KLHL29: variants seen among roughly 807,000 people sequenced by gnomAD.
KLHL29 encodes the protein kelch like family member 29.
In KLHL29, 21 loss-of-function variants were observed where a neutral mutation model predicts 80.4. That is an observed-to-expected ratio of 0.26 (90% CI 0.19 to 0.38). KLHL29 has a LOEUF of 0.38. Ranked by LOEUF, KLHL29 falls within the 10% of genes least tolerant of loss-of-function variation. The pLI is 1.00. For synonymous variants in KLHL29, 511 were observed against 526.8 expected (o/e 0.97, Z 0.41); for missense variants, 867 against 1,223.9 (o/e 0.71, Z 4.35).
chr2:23,423,035 C>T (rs554924328), intron 1 of KLHL29, among the ~76,000 whole-genome samples: 7 of 152,348 alleles, frequency 4.6e-5, no homozygotes, highest in African/African-American at 1.2e-4. Flanking sequence ...TGGGTCTTGC[C>T]GACTGGCCCT....
At chr2:23,579,192 A>G (rs1357486705) in intron 3 of KLHL29, among the ~76,000 whole-genome samples, 1 of 152,240 alleles carries the variant, frequency 6.6e-6, no homozygotes, top group Non-Finnish European at 1.5e-5. Flanking sequence ...CCATGTGGTA[A>G]GTCTACAGTT....
At chr2:23,471,465 T>C (rs1276098606) in intron 1 of KLHL29, among the ~76,000 whole-genome samples, 1 of 152,222 alleles carries the variant, frequency 6.6e-6, no homozygotes, top group African/African-American at 2.4e-5. Context: ...CTAGTTTCAT[T>C]TTGAAGCTCT....
chr2:23,679,539 C>G (rs771963815), intron 5 of KLHL29, among the ~76,000 whole-genome samples: 15 of 152,052 alleles, frequency 9.9e-5, no homozygotes, highest in Non-Finnish European at 1.8e-4. Flanking sequence ...AGCCAAGATT[C>G]AAAGGGTAGG....
At chr2:23,670,874 CAG>C (rs1197873319) in intron 5 of KLHL29, among the ~76,000 whole-genome samples, 1 of 138,276 alleles carries the variant, frequency 7.2e-6, no homozygotes, top group Non-Finnish European at 1.5e-5. Context: ...ATGAAGGGCA[CAG>C]AGTGGGCAGA....
At chr2:23,441,231 A>G (rs1364173372) in intron 1 of KLHL29, among the ~76,000 whole-genome samples, 1 of 151,540 alleles carries the variant, frequency 6.6e-6, no homozygotes, top group African/African-American at 2.4e-5. Flanking sequence ...TCACAAAGTC[A>G]AAAAACCAAA....
Position 23,561,920 on chromosome 2 carries a change from G to A in KLHL29, c.-45-232G>A, listed in dbSNP as rs2103496702. On this transcript the variant is annotated intron_variant, in intron 2 of 13. Coordinates refer to ENST00000486442, the MANE Select transcript of KLHL29 (RefSeq NM_052920.2). ...CAGTATCACTTTTAACTGTGACTGG[G>A]TTCAAATCCTGCCTACTTACTTTGG... Among the ~76,000 whole-genome samples, 2 of 152,282 alleles carry A rather than the reference G, an allele frequency of 1.3e-5. 1 individual carries two copies. Among genetic ancestry groups the A allele is most frequent in the South Asian group, 4.1e-4 (2 of 4,822 alleles).
intron 2 of KLHL29, chr2:23,524,097 C>T (rs1403684787): frequency 2.1e-6 from 1 of 469,844 alleles, no homozygotes; most frequent in Admixed American, 2.4e-5. Context: ...CCCATGACAC[C>T]TCAGTGTCGT....
chr2:23,507,466 C>T (rs935283853), intron 2 of KLHL29, among the ~76,000 whole-genome samples: 7 of 152,242 alleles, frequency 4.6e-5, no homozygotes, highest in African/African-American at 1.7e-4. Flanking sequence ...TCTCCTGCTG[C>T]CTGTCCTTAA....
At chr2:23,404,034 G>T (rs1666665292) in intron 1 of KLHL29, among the ~76,000 whole-genome samples, 1 of 152,182 alleles carries the variant, frequency 6.6e-6, no homozygotes, top group Non-Finnish European at 1.5e-5. Flanking sequence ...CCTGCCAGAG[G>T]CTGTAAGTGT....
At chr2:23,387,969 T>G (rs776285389) in intron 1 of KLHL29, among the ~76,000 whole-genome samples, 26 of 152,204 alleles carry the variant, frequency 1.7e-4, no homozygotes, top group Non-Finnish European at 3.1e-4. Context: ...TTCTCCTCGG[T>G]CTCTCGGTTA....
At chr2:23,505,902 A>C (rs1665584247) in intron 2 of KLHL29, among the ~76,000 whole-genome samples, 2 of 152,162 alleles carry the variant, frequency 1.3e-5, no homozygotes, top group Non-Finnish European at 2.9e-5. Flanking sequence ...GAGCAACCAA[A>C]GGGCGTTGGG....
chr2:23,536,965 C>G (rs551737959), intron 2 of KLHL29, among the ~76,000 whole-genome samples: 1 of 152,036 alleles, frequency 6.6e-6, no homozygotes, highest in East Asian at 1.9e-4. Flanking sequence ...CTCTCGCTCT[C>G]TCTCCTTCAG....
In KLHL29 at chr2:23,520,940, C is replaced by T. The variant is rs1261928982; in HGVS notation, c.-45-41212C>T. On this transcript the variant is annotated intron_variant, in intron 2 of 13. Transcript: ENST00000486442. Reference sequence around the variant, plus strand: ...CAGGATGCATAGTTTCCACAATTGTCTTCTTTCCTCCATATACAAATTCTG... The same window carrying T: ...CAGGATGCATAGTTTCCACAATTGTTTTCTTTCCTCCATATACAAATTCTG... Among the ~76,000 whole-genome samples the T allele has an allele frequency of 2.0e-5, 3 of 151,530 alleles. No homozygotes were observed. In the East Asian group the frequency reaches 5.8e-4, roughly 29 times the overall value.
chr2:23,668,037 C>G (rs2149173821), intron 5 of KLHL29: 1 of 152,126 alleles, frequency 6.6e-6, no homozygotes, highest in East Asian at 2.0e-4. Flanking sequence ...TCCTGCCCCT[C>G]TCTGCGTTAT....
At chr2:23,589,884 A>G (rs1272812738) in intron 3 of KLHL29, among the ~76,000 whole-genome samples, 1 of 152,242 alleles carries the variant, frequency 6.6e-6, no homozygotes, top group East Asian at 1.9e-4. Flanking sequence ...GCTGCCATGT[A>G]CAGCTGTACA....
intron 3 of KLHL29, among the ~76,000 whole-genome samples, chr2:23,603,595 TC>T (rs1668628559): frequency 6.6e-6 from 1 of 152,130 alleles, no homozygotes; most frequent in South Asian, 2.1e-4. Flanking sequence ...GTGCTGATTT[TC>T]TAAAAGAGGG....
At chr2:23,414,454 G>A (rs1340717579) in intron 1 of KLHL29, among the ~76,000 whole-genome samples, 1 of 152,258 alleles carries the variant, frequency 6.6e-6, no homozygotes, top group East Asian at 1.9e-4. Flanking sequence ...GTGAGTAGGA[G>A]AGACCCCCAG....
chr2:23,641,082 A>C (rs562459135), intron 4 of KLHL29, among the ~76,000 whole-genome samples: 1 of 151,722 alleles, frequency 6.6e-6, no homozygotes, highest in East Asian at 1.9e-4. Context: ...TGTGAAAACC[A>C]AGGTACCATT....
At chr2:23,530,631 A>G (rs1666461879) in intron 2 of KLHL29, among the ~76,000 whole-genome samples, 2 of 152,106 alleles carry the variant, frequency 1.3e-5, no homozygotes, top group Admixed American at 6.5e-5. Context: ...CGTGTGGAAT[A>G]TTTTTCAATG....
Sources: gnomAD v4.1 joint callset for allele counts (sites outside exome capture counted in the v4.1 genomes callset) on GRCh38, gnomAD v4.1.1 for gene constraint, MANE v1.5 for transcripts, NCBI Gene and HGNC (gene_info 2026-07-23, HGNC 2026-07-21) for gene names.